DOCK1: variants seen among roughly 807,000 people sequenced by gnomAD.
The protein encoded by DOCK1 is dedicator of cytokinesis protein 1.
Under a neutral mutation model 262.7 loss-of-function variants are expected in DOCK1, and 138 were observed. The ratio of observed to expected loss-of-function variants is 0.53; its 90% confidence interval spans 0.46 to 0.61. The LOEUF is 0.61. Ranked by LOEUF, DOCK1 falls within the 20% of genes least tolerant of loss-of-function variation. The pLI is 0.00. For missense variants in DOCK1, 1,908 were observed against 2,370.7 expected, an observed-to-expected ratio of 0.80 and a Z score of 4.05; for synonymous variants, 866 against 867.4, an observed-to-expected ratio of 1.00 and a Z score of 0.03.
intron 43 of DOCK1, among the ~76,000 whole-genome samples, chr10:127,413,398 G>T (rs987628877): frequency 2.6e-5 from 4 of 152,188 alleles, no homozygotes; most frequent in Non-Finnish European, 5.9e-5. Flanking sequence ...TCCTTCACAT[G>T]CCCCACAAAG....
At chr10:127,289,892 TTTCA>T (rs891186206) in intron 29 of DOCK1, among the ~76,000 whole-genome samples, 1 of 152,076 alleles carries the variant, frequency 6.6e-6, no homozygotes, top group African/African-American at 2.4e-5. Context: ...TTACTTTATT[TTTCA>T]TTCATTTTCT....
chr10:127,336,761 A>G (rs55705512), intron 29 of DOCK1, among the ~76,000 whole-genome samples: 18,672 of 152,030 alleles, frequency 0.12, 1,435 homozygotes, highest in Non-Finnish European at 0.17. Flanking sequence ...GGATGGTCTC[A>G]ATCTCCTGAC....
At position 127,261,192 on chromosome 10, in the gene DOCK1, GGT is replaced by G. The variant is rs147196926; in HGVS notation, c.3044+3774_3044+3775del. 3.8e-4 allele frequency among the ~76,000 whole-genome samples: 37 copies of G among 98,060 alleles called. 1 individual carries two copies. Among genetic ancestry groups the G allele is most frequent in the African/African-American group, 9.2e-4 (21 of 22,922 alleles). 64.3% of individuals were successfully genotyped at this position (98,060 alleles called of 152,430 possible). ...GTGTCCCTGCATGTGTGTGCATGCG[GGT>G]GTGTGTGTGTACCTGCATGTGTGTG... On this transcript the variant is annotated intron_variant, in intron 29 of 51. Transcript: ENST00000623213.
intron 29 of DOCK1, among the ~76,000 whole-genome samples, chr10:127,267,288 A>C (rs1403402122): frequency 6.6e-6 from 1 of 152,168 alleles, no homozygotes; most frequent in Non-Finnish European, 1.5e-5. Flanking sequence ...GTTCATTCTT[A>C]AGGCCTAGTC....
At chr10:127,429,081 G>A (rs1484182614) in intron 47 of DOCK1, among the ~76,000 whole-genome samples, 1 of 151,726 alleles carries the variant, frequency 6.6e-6, no homozygotes, top group African/African-American at 2.4e-5. Flanking sequence ...GTACCATGTG[G>A]ATTGGGGTGC....
chr10:127,241,820 C>T (rs2059274926), intron 27 of DOCK1, among the ~76,000 whole-genome samples: 1 of 152,124 alleles, frequency 6.6e-6, no homozygotes, highest in Non-Finnish European at 1.5e-5. Context: ...TTTCAGGTAC[C>T]TCCCTTGTCC....
intron 31 of DOCK1, among the ~76,000 whole-genome samples, chr10:127,345,212 T>G (rs753653277): frequency 3.9e-5 from 6 of 152,226 alleles, no homozygotes; most frequent in Non-Finnish European, 8.8e-5. Context: ...ATGAGTATAT[T>G]TCAGCAAATC....
chr10:127,125,570 A>T lies in DOCK1; in HGVS notation c.2720A>T (p.His907Leu). Residue 907 changes from histidine to leucine, a missense_variant, in exon 26 of 52, where the codon CAC becomes CTC. Physicochemically the swap from His to Leu is moderately conservative, Grantham distance 99. Coordinates refer to ENST00000623213, the MANE Select transcript of DOCK1 (RefSeq NM_001290223.2). ...DLEACCQLLS[H>L]ILEVLYRKDV... The stretch of plus-strand genomic sequence containing the variant: ...GAGGCCTGCTGTCAGCTGCTCAGCC[A>T]CATCCTGGAGGTGCTGTACAGGAAG... 2.5e-6 allele frequency: 4 copies of T among 1,613,902 alleles called. No individual in the cohort carries two copies. The highest frequency in any genetic ancestry group is 3.4e-6 in the Non-Finnish European group (4 of 1,179,852).
At chr10:126,948,940 C>G (rs2035901092) in intron 1 of DOCK1, among the ~76,000 whole-genome samples, 1 of 152,240 alleles carries the variant, frequency 6.6e-6, no homozygotes, top group African/African-American at 2.4e-5. Context: ...TGCCTGGGCC[C>G]CGCAAGCTGG....
chr10:127,264,888 C>T (rs1198251688), intron 29 of DOCK1, among the ~76,000 whole-genome samples: 2 of 152,132 alleles, frequency 1.3e-5, no homozygotes, highest in South Asian at 2.1e-4. Context: ...AGGCTGGTCT[C>T]GAACTCCTGG....
intron 18 of DOCK1, among the ~76,000 whole-genome samples, chr10:127,033,963 G>A (rs1039538359): frequency 1.3e-5 from 2 of 152,086 alleles, no homozygotes. Context: ...TATTCCATTT[G>A]CATGCATTTC....
At chr10:127,225,915 A>G (rs2058618353) in intron 27 of DOCK1, among the ~76,000 whole-genome samples, 1 of 151,950 alleles carries the variant, frequency 6.6e-6, no homozygotes, top group African/African-American at 2.4e-5. Flanking sequence ...TGTCTCTACT[A>G]AAAATACAAA....
intron 24 of DOCK1, among the ~76,000 whole-genome samples, 159 bp downstream of exon 24, chr10:127,106,460 T>C (rs1390654362): frequency 6.6e-6 from 1 of 152,172 alleles, no homozygotes; most frequent in Non-Finnish European, 1.5e-5. Context: ...TCTGTGACTC[T>C]TTGATAATCA....
At chr10:127,303,241 G>C (rs956003712) in intron 29 of DOCK1, among the ~76,000 whole-genome samples, 1 of 152,158 alleles carries the variant, frequency 6.6e-6, no homozygotes, top group Non-Finnish European at 1.5e-5. Flanking sequence ...ACACCTCAAG[G>C]ATAGGAGGTG....
intron 1 of DOCK1, among the ~76,000 whole-genome samples, chr10:126,907,407 C>T (rs894368421): frequency 6.6e-6 from 1 of 151,874 alleles, no homozygotes; most frequent in African/African-American, 2.4e-5. Flanking sequence ...TGGGGGCCAT[C>T]GGGGTGCAGT....
chr10:127,362,578 A>ATT (rs765729874), intron 33 of DOCK1, among the ~76,000 whole-genome samples: 99 of 152,308 alleles, frequency 6.5e-4, no homozygotes, highest in Non-Finnish European at 7.2e-4. Flanking sequence ...TTATTGCAGA[A>ATT]TTGTGGTATT....
chr10:126,923,190 C>T (rs1194122461), intron 1 of DOCK1, among the ~76,000 whole-genome samples: 2 of 152,186 alleles, frequency 1.3e-5, no homozygotes, highest in African/African-American at 2.4e-5. Flanking sequence ...CACATTTGGC[C>T]CATAGGCTGT....
intron 23 of DOCK1, among the ~76,000 whole-genome samples, chr10:127,080,098 C>T (rs193235888): frequency 1.3e-5 from 2 of 151,924 alleles, no homozygotes; most frequent in African/African-American, 2.4e-5. Context: ...TGAGGCTTTG[C>T]GAGAGGAATG....
intron 29 of DOCK1, among the ~76,000 whole-genome samples, chr10:127,282,057 GT>G (rs2060980124): frequency 6.6e-6 from 1 of 152,198 alleles, no homozygotes. Context: ...TGTTTTAAGA[GT>G]TTACGAATTT....
Sources: gnomAD v4.1 joint callset for allele counts (sites outside exome capture counted in the v4.1 genomes callset) on GRCh38, gnomAD v4.1.1 for gene constraint, MANE v1.5 for transcripts, NCBI Gene and HGNC (gene_info 2026-07-23, HGNC 2026-07-21) for gene names.